CDCP2: variants seen among roughly 807,000 people sequenced by gnomAD.
The protein encoded by CDCP2 is CUB domain-containing protein 2.
Under a neutral mutation model 31.0 loss-of-function variants are expected in CDCP2, and 31 were observed. The ratio of observed to expected loss-of-function variants is 1.00; its 90% CI spans 0.75 to 1.35. CDCP2 has a LOEUF of 1.35. Ranked by LOEUF, CDCP2 falls within the 40% of genes most tolerant of loss-of-function variation. The probability of loss-of-function intolerance (pLI) is 0.00; values close to 1 mark genes in which losing one functional copy is unlikely to be tolerated. For missense variants in CDCP2, 443 were observed against 482.6 expected (o/e 0.92, Z 0.77); for synonymous variants, 206 against 207.9 (o/e 0.99, Z 0.08).
chr1:54,144,444 G>A (rs1272916906), intron 2 of CDCP2, 22 bp downstream of exon 2: 2 of 1,543,608 alleles, frequency 1.3e-6, no homozygotes. Flanking sequence ...ACTGCAACAG[G>A]TCCCTAAGGC....
At chr1:54,146,516 T>C (rs1232942258) in intron 1 of CDCP2, among the ~76,000 whole-genome samples, 1 of 151,892 alleles carries the variant, frequency 6.6e-6, no homozygotes, top group Non-Finnish European at 1.5e-5. Flanking sequence ...GTAAAACTCT[T>C]GTGATCCTTA....
intron 5 of CDCP2, among the ~76,000 whole-genome samples, chr1:54,134,339 A>G (rs973124219): frequency 2.0e-5 from 3 of 152,204 alleles, no homozygotes; most frequent in African/African-American, 7.2e-5. Flanking sequence ...GGGAAGAGCC[A>G]TCGAGGAACA....
intron 1 of CDCP2, among the ~76,000 whole-genome samples, chr1:54,147,388 G>A (rs1390374535): frequency 6.6e-6 from 1 of 151,740 alleles, no homozygotes; most frequent in Non-Finnish European, 1.5e-5. Flanking sequence ...AATAGATGGT[G>A]AGGGAAAACT....
chr1:54,144,615 C>T (rs1659429870), exon 2 of CDCP2: 1 of 1,614,074 alleles, frequency 6.2e-7, no homozygotes, highest in Non-Finnish European at 8.5e-7. Context: ...TGGTGAGGCC[C>T]CATTGTAGAT....
At chr1:54,145,719 G>A (rs866340507) in intron 1 of CDCP2, among the ~76,000 whole-genome samples, 22 of 152,242 alleles carry the variant, frequency 1.4e-4, no homozygotes, top group African/African-American at 3.4e-4. Context: ...ACAATGGAAG[G>A]AAACTAATAA....
intron 3 of CDCP2, chr1:54,140,849 T>C (rs12078646): frequency 0.096 from 36,909 of 386,032 alleles, 4,053 homozygotes; most frequent in East Asian, 0.4. Context: ...AAATGTTAGA[T>C]CATAGTGTAA....
chr1:54,146,198 T>A (rs974768757), intron 1 of CDCP2, among the ~76,000 whole-genome samples: 1 of 140,014 alleles, frequency 7.1e-6, no homozygotes, highest in Non-Finnish European at 1.6e-5. Context: ...TTTTTTTTTT[T>A]ACGTGGAGTC....
At chr1:54,139,990 G>C in exon 4 of CDCP2, 4 of 1,614,094 alleles carry the variant, frequency 2.5e-6, no homozygotes, top group Non-Finnish European at 2.5e-6. Flanking sequence ...ACCTTGACCT[G>C]GTAGCCCGGG....
chr1:54,148,753 G>A (rs554142804), intron 1 of CDCP2, among the ~76,000 whole-genome samples: 44 of 150,888 alleles, frequency 2.9e-4, no homozygotes, highest in Admixed American at 2.0e-3. Flanking sequence ...AGTCAAGGCC[G>A]GGTGCCATGG....
chr1:54,140,356 CAGGTGTAGGCCCTGTT>C (rs1482518953), intron 3 of CDCP2: 2 of 562,676 alleles, frequency 3.6e-6, no homozygotes, highest in East Asian at 6.1e-5. Flanking sequence ...GTCCCCTTCA[CAGGTGTAGGCCCTGTT>C]AGGAATTCAA....
At chr1:54,143,044 T>C (rs1659401010) in intron 2 of CDCP2, 1 of 152,222 alleles carries the variant, frequency 6.6e-6, no homozygotes, top group Non-Finnish European at 1.5e-5. Flanking sequence ...AGTTAAAATA[T>C]GAATTTACAG....
At chr1:54,151,775 A>G (rs1369789623) in intron 1 of CDCP2, among the ~76,000 whole-genome samples, 3 of 152,192 alleles carry the variant, frequency 2.0e-5, no homozygotes, top group African/African-American at 7.2e-5. Flanking sequence ...CCAGAGCAGC[A>G]CAAAACCACT....
intron 4 of CDCP2, chr1:54,138,289 G>A (rs1020463103): frequency 1.3e-5 from 2 of 152,284 alleles, no homozygotes; most frequent in Non-Finnish European, 2.9e-5. Context: ...CAGAGACATG[G>A]GGCCATGCCA....
chr1:54,152,400 G>A (rs1017888210), intron 1 of CDCP2, among the ~76,000 whole-genome samples: 1 of 151,000 alleles, frequency 6.6e-6, no homozygotes, highest in Admixed American at 6.6e-5. Flanking sequence ...GGAGGTGGAG[G>A]TTGCAGTGAG....
chr1:54,141,330 G>A lies in CDCP2; in HGVS notation c.531C>T (p.Ala177=), dbSNP rs372226045. 58 of 1,614,114 alleles carry A rather than the reference G, an allele frequency of 3.6e-5. No homozygotes were observed. In the Middle Eastern group the frequency reaches 8.3e-4, roughly 23 times the overall value. The change falls in exon 3 of 6, where the codon GCC becomes GCT. Residue 177 remains alanine, a synonymous_variant. Coordinates refer to ENST00000530059, the Ensembl canonical transcript of CDCP2. ...CCAGCTTGACGTGGGCAGGGCCAGCGGCCCGGATCACCCAGTGGCACTCCA... is the reference window on the plus strand; with the variant it reads ...CCAGCTTGACGTGGGCAGGGCCAGCAGCCCGGATCACCCAGTGGCACTCCA...
intron 3 of CDCP2, 172 bp from the exon 4 acceptor site, chr1:54,140,278 A>C (rs1659343240): frequency 1.6e-6 from 1 of 622,430 alleles, no homozygotes; most frequent in African/African-American, 1.8e-5. Flanking sequence ...GAAAGTTGGG[A>C]TGCTTGATCC....
At chr1:54,152,988 A>C, upstream of CDCP2, 2 of 1,495,652 alleles carry the variant, frequency 1.3e-6, no homozygotes, top group South Asian at 2.3e-5. Flanking sequence ...GGTCCGGAGC[A>C]AGGGAAAGAG....
rs750892878 is a variant in CDCP2, at chr1:54,141,347, G to T, written c.514C>A (p.His172Asn). 2.8e-5 allele frequency: 45 copies of T among 1,614,104 alleles called. No individual in the cohort carries two copies. The East Asian group carries it at 6.2e-4, about 22-fold the overall frequency. Residue 172 changes from histidine to asparagine, a missense_variant, in exon 3 of 6, where the codon CAC (histidine) becomes AAC (asparagine). Transcript: ENST00000530059. The stretch of plus-strand genomic sequence containing the variant: ...GGGCCAGCGGCCCGGATCACCCAGT[G>T]GCACTCCATGCTGTTCGGGTAGTTG...
chr1:54,142,441 C>T (rs1448945711), intron 2 of CDCP2: 1 of 152,244 alleles, frequency 6.6e-6, no homozygotes, highest in Admixed American at 6.5e-5. Context: ...CCAGCTTGAT[C>T]CACTGGGCTC....
Sources: allele counts gnomAD v4.1 joint callset (sites outside exome capture counted in the v4.1 genomes callset), GRCh38; gene constraint gnomAD v4.1.1; transcripts MANE v1.5; gene names NCBI Gene and HGNC (gene_info 2026-07-23, HGNC 2026-07-21).